SPRY3: variants seen among roughly 807,000 people sequenced by gnomAD.
SPRY3 encodes protein sprouty homolog 3.
In SPRY3, 15 loss-of-function variants were observed where a neutral mutation model predicts 20.2. The ratio of observed to expected loss-of-function variants is 0.74; its 90% CI spans 0.50 to 1.14. The LOEUF (loss-of-function observed/expected upper bound fraction) is 1.14, where lower values mean the gene tolerates loss of function less well. SPRY3 is among the 50% of genes most tolerant of loss of function. The pLI is 0.00. For synonymous variants in SPRY3, 143 were observed against 136.5 expected, an observed-to-expected ratio of 1.05 and a Z score of -0.33; for missense variants, 364 against 363.9, an observed-to-expected ratio of 1.00 and a Z score of 0.00.
chrX:155,672,637 C>T (rs1367961600), intron 2 of SPRY3, among the ~76,000 whole-genome samples: 3 of 108,784 alleles, frequency 2.8e-5, no homozygotes, highest in African/African-American at 1.0e-4. Context: ...CTAGTTCAAC[C>T]ATTGTGGAAG....
At chrX:155,660,630 T>C (rs2068006740) in intron 2 of SPRY3, among the ~76,000 whole-genome samples, 1 of 111,737 alleles carries the variant, frequency 8.9e-6, no homozygotes, top group South Asian at 3.7e-4. Flanking sequence ...GTTGAATTGC[T>C]GTCTATTGCA....
intron 2 of SPRY3, among the ~76,000 whole-genome samples, chrX:155,724,943 T>C (rs1188843078): frequency 1.3e-5 from 2 of 152,184 alleles, no homozygotes; most frequent in African/African-American, 4.8e-5. Context: ...CAGTATGATA[T>C]TGGCTATGGG....
At chrX:155,731,556 A>G (rs2091132531) in intron 2 of SPRY3, among the ~76,000 whole-genome samples, 1 of 152,110 alleles carries the variant, frequency 6.6e-6, no homozygotes, top group Admixed American at 6.6e-5. Flanking sequence ...TGAAACTACT[A>G]CAAGAAAACA....
chrX:155,758,579 G>A (rs144384102), intron 2 of SPRY3, among the ~76,000 whole-genome samples: 1 of 152,176 alleles, frequency 6.6e-6, no homozygotes, highest in Non-Finnish European at 1.5e-5. Flanking sequence ...CTTCTAAAGA[G>A]CTCCTGCTGA....
At chrX:155,729,253 A>T (rs149482358) in intron 2 of SPRY3, among the ~76,000 whole-genome samples, 36 of 152,336 alleles carry the variant, frequency 2.4e-4, no homozygotes, top group Admixed American at 1.2e-3. Flanking sequence ...ACAGCTACAG[A>T]ATACACATTC....
chrX:155,731,124 T>C (rs2091129647), intron 2 of SPRY3, among the ~76,000 whole-genome samples: 1 of 152,008 alleles, frequency 6.6e-6, no homozygotes, highest in Admixed American at 6.6e-5. Flanking sequence ...CCTATCAAAA[T>C]ACCAATGACA....
chrX:155,648,175 G>A (rs1422956384), intron 1 of SPRY3, among the ~76,000 whole-genome samples: 4 of 112,272 alleles, frequency 3.6e-5, no homozygotes, highest in African/African-American at 9.7e-5. Context: ...ATTTGTTTAA[G>A]TTCCTTGTAG....
chrX:155,707,487 A>T (rs1358019275), intron 2 of SPRY3, among the ~76,000 whole-genome samples: 1 of 151,232 alleles, frequency 6.6e-6, no homozygotes, highest in Non-Finnish European at 1.5e-5. Context: ...ATGTCAGGTC[A>T]CACTGGTGTT....
At chrX:155,650,812 A>G (rs1968794459) in intron 1 of SPRY3, among the ~76,000 whole-genome samples, 1 of 111,934 alleles carries the variant, frequency 8.9e-6, no homozygotes, top group Admixed American at 9.5e-5. Flanking sequence ...ACTGAGCACT[A>G]TGAAGATACT....
At chrX:155,766,350 C>G (rs1318727809) in intron 2 of SPRY3, among the ~76,000 whole-genome samples, 2 of 152,114 alleles carry the variant, frequency 1.3e-5, no homozygotes, top group African/African-American at 2.4e-5. Context: ...ATTACCTAAT[C>G]AGATCCCCTC....
intron 2 of SPRY3, among the ~76,000 whole-genome samples, chrX:155,694,132 T>A (rs780686937): frequency 8.9e-6 from 1 of 112,624 alleles, no homozygotes; most frequent in South Asian, 3.7e-4. Context: ...AATGCAATTT[T>A]TATGTCATTG....
chrX:155,722,969 TC>T (rs1398434980), intron 2 of SPRY3, among the ~76,000 whole-genome samples: 1 of 142,570 alleles, frequency 7.0e-6, no homozygotes, highest in Non-Finnish European at 1.5e-5. Context: ...TGTGTGATGC[TC>T]CCCGCCCTGT....
exon 4 of SPRY3, chrX:155,776,758 G>C (rs1437934323): frequency 3.0e-5 from 5 of 167,026 alleles, no homozygotes; most frequent in Admixed American, 6.5e-5. Flanking sequence ...GGGGGGAAGA[G>C]GGGACCTCCA....
At chrX:155,766,765 G>C (rs17149476) in intron 2 of SPRY3, among the ~76,000 whole-genome samples, 12,008 of 152,190 alleles carry the variant, frequency 0.079, 994 homozygotes, top group African/African-American at 0.21. Flanking sequence ...CAGGGAGGCT[G>C]CATGAAGGCA....
chrX:155,738,696 C>T (rs905870849), intron 2 of SPRY3, among the ~76,000 whole-genome samples: 24 of 152,174 alleles, frequency 1.6e-4, no homozygotes, highest in Non-Finnish European at 3.5e-4. Flanking sequence ...GCTTTTCCCA[C>T]AGATCTTTGC....
chrX:155,692,171 AATGGGTACAGCTTT>A (rs1245293722), intron 2 of SPRY3, among the ~76,000 whole-genome samples: 142 of 109,559 alleles, frequency 1.3e-3, no homozygotes, highest in African/African-American at 4.5e-3. Flanking sequence ...GGGAATAGTA[AATGGGTACAGCTTT>A]ATATTTTACA....
intron 2 of SPRY3, among the ~76,000 whole-genome samples, chrX:155,738,995 C>A (rs1348993507): frequency 6.6e-6 from 1 of 151,850 alleles, no homozygotes; most frequent in Non-Finnish European, 1.5e-5. Context: ...TGGCCAGAGG[C>A]AGCAGGCTGG....
chrX:155,726,322 A>G (rs2091096757), intron 2 of SPRY3, among the ~76,000 whole-genome samples: 1 of 152,154 alleles, frequency 6.6e-6, no homozygotes, highest in African/African-American at 2.4e-5. Context: ...AGTTCTGTAG[A>G]TGTCTATTAC....
intron 2 of SPRY3, among the ~76,000 whole-genome samples, chrX:155,763,772 C>G (rs748776945): frequency 6.6e-6 from 1 of 151,668 alleles, no homozygotes; most frequent in South Asian, 2.1e-4. Flanking sequence ...CCTTACCTAT[C>G]TAATTTATTT....
Sources: allele counts gnomAD v4.1 joint callset (sites outside exome capture counted in the v4.1 genomes callset), GRCh38; gene constraint gnomAD v4.1.1; transcripts MANE v1.5; gene names NCBI Gene and HGNC (gene_info 2026-07-23, HGNC 2026-07-21).